The following NUP58 variants were observed in gnomAD, a reference collection of about 807,000 sequenced individuals.
NUP58 encodes the protein nucleoporin p58/p45.
In NUP58, 17 loss-of-function variants were observed where a neutral mutation model predicts 70.1. The observed-to-expected ratio is 0.24, with a 90% confidence interval of 0.17 to 0.36. NUP58 has a LOEUF of 0.36. NUP58 is among the 10% of genes least tolerant of loss of function. The pLI is 1.00. For synonymous variants in NUP58, 275 were observed against 257.6 expected (o/e 1.07, Z -0.65); for missense variants, 644 against 701.5 (o/e 0.92, Z 0.93).
chr13:25,332,825 G>T, intron 13 of NUP58: 1 of 985,412 alleles, frequency 1.0e-6, no homozygotes, highest in Non-Finnish European at 1.2e-6. Context: ...TTATGGGATT[G>T]ATTCCTTTGA....
chr13:25,312,916 G>A lies in NUP58; in HGVS notation c.320G>A (p.Gly107Asp). ...TPATTSAATT[G>D]FSLGFNKPAA... is the part of the protein sequence containing the mutation. ...GCCACTACATCTGCAGCTACAACAG[G>A]CTTCAGTTTAGGATTCAATAAACCT... The change falls in exon 4 of 16, where the codon GGC (glycine) becomes GAC (aspartate). Residue 107 changes from glycine (G) to aspartate (D), a missense_variant. This residue lies in a region of NUP58 where 430 missense variants were observed against 409.2 expected (regional missense o/e 1.05). Coordinates refer to ENST00000381736, the MANE Select transcript of NUP58 (RefSeq NM_014089.4). 6.2e-7 allele frequency: 1 copy of A among 1,613,534 alleles called. No homozygotes were observed. Among genetic ancestry groups the A allele is most frequent in the South Asian group, 1.1e-5 (1 of 90,988 alleles).
intron 13 of NUP58, chr13:25,333,098 T>C: frequency 1.0e-6 from 1 of 985,332 alleles, no homozygotes; most frequent in Non-Finnish European, 1.2e-6. Context: ...ATACCTAAAC[T>C]TGAAGCAAAA....
intron 1 of NUP58, among the ~76,000 whole-genome samples, chr13:25,302,334 T>G (rs945369827): frequency 6.6e-6 from 1 of 152,242 alleles, no homozygotes; most frequent in African/African-American, 2.4e-5. Context: ...TTAATAACTT[T>G]GTGGTTTTTA....
chr13:25,319,713 G>A (rs538895008), intron 7 of NUP58, among the ~76,000 whole-genome samples: 6 of 152,074 alleles, frequency 3.9e-5, no homozygotes, highest in Admixed American at 1.3e-4. Context: ...TGCCAGTCTC[G>A]TTTTATGTCC....
chr13:25,329,897 A>G (rs2031542594), intron 12 of NUP58, among the ~76,000 whole-genome samples: 1 of 152,108 alleles, frequency 6.6e-6, no homozygotes, highest in Admixed American at 6.6e-5. Flanking sequence ...ATCATGACTC[A>G]TTGCAGCCTC....
At chr13:25,331,253 A>T in intron 12 of NUP58, 104 bp from the exon 13 acceptor site, 1 of 1,071,848 alleles carries the variant, frequency 9.3e-7, no homozygotes, top group Non-Finnish European at 1.4e-6. Context: ...GATTGAATGT[A>T]TAATATTGGG....
intron 9 of NUP58, among the ~76,000 whole-genome samples, chr13:25,322,140 G>A (rs554897814): frequency 2.0e-4 from 30 of 152,280 alleles, no homozygotes; most frequent in South Asian, 4.2e-4. Context: ...AAATCTTTCC[G>A]TGAAGTTGTC....
At chr13:25,311,694 T>A (rs1423392142) in intron 3 of NUP58, among the ~76,000 whole-genome samples, 4 of 137,542 alleles carry the variant, frequency 2.9e-5, no homozygotes, top group South Asian at 2.4e-4. Context: ...TTTTTTTTTT[T>A]AAGGTAACCA....
chr13:25,327,317 T>C lies in NUP58; in HGVS notation c.1151-113T>C, dbSNP rs73470451. 1,085 of 626,138 alleles carry C rather than the reference T, an allele frequency of 1.7e-3. 5 individuals are homozygous for C. The highest frequency in any genetic ancestry group is 0.017 in the African/African-American group (899 of 53,310). The allele number at this position is 626,138 out of a possible 1,614,324, so 38.8% of individuals were successfully genotyped here. The stretch of plus-strand genomic sequence containing the variant: ...TCTGGCCATGAGAACGTTGATAGAG[T>C]TTTTTTCTCCTACACGTTAACTGTG... On this transcript the variant is annotated intron_variant, in intron 11 of 15. Transcript: ENST00000381736.
At chr13:25,324,316 A>T (rs2031305071) in intron 9 of NUP58, among the ~76,000 whole-genome samples, 1 of 152,210 alleles carries the variant, frequency 6.6e-6, no homozygotes, top group South Asian at 2.1e-4. Context: ...GAGGTCGAAA[A>T]TATAGTGAAA....
At chr13:25,319,455 G>GA in intron 7 of NUP58, 105 bp downstream of exon 7, 1 of 1,059,024 alleles carries the variant, frequency 9.4e-7, no homozygotes, top group Non-Finnish European at 1.4e-6. Context: ...ACATTTAGGA[G>GA]AAAAAACTTT....
At chr13:25,322,424 A>G (rs1473745393) in intron 9 of NUP58, among the ~76,000 whole-genome samples, 1 of 152,226 alleles carries the variant, frequency 6.6e-6, no homozygotes, top group Non-Finnish European at 1.5e-5. Context: ...TTATTTGGTT[A>G]AATATGAATG....
intron 2 of NUP58, among the ~76,000 whole-genome samples, chr13:25,308,525 G>C (rs1256479898): frequency 6.6e-6 from 1 of 150,592 alleles, no homozygotes; most frequent in Non-Finnish European, 1.5e-5. Context: ...GTCTCCTCCT[G>C]GTCTTAAATT....
At chr13:25,326,542 C>G (rs1254572589) in intron 10 of NUP58, among the ~76,000 whole-genome samples, 1 of 152,074 alleles carries the variant, frequency 6.6e-6, no homozygotes, top group Non-Finnish European at 1.5e-5. Flanking sequence ...CAGAAAACTT[C>G]CAAAATAGTA....
At chr13:25,313,543 C>A (rs1228056843) in intron 4 of NUP58, 71 bp from the exon 5 acceptor site, 6 of 1,310,410 alleles carry the variant, frequency 4.6e-6, no homozygotes, top group Non-Finnish European at 6.0e-6. Context: ...TTAAAAACAT[C>A]GTATTTGTAT....
intron 14 of NUP58, 31 bp downstream of exon 14, chr13:25,337,065 A>G: frequency 6.9e-7 from 1 of 1,457,410 alleles, no homozygotes; most frequent in Non-Finnish European, 9.4e-7. Flanking sequence ...TATTTCATTG[A>G]ACTATTATAT....
At chr13:25,337,927 A>G (rs773439946) in intron 14 of NUP58, among the ~76,000 whole-genome samples, 6 of 152,206 alleles carry the variant, frequency 3.9e-5, no homozygotes, top group Non-Finnish European at 8.8e-5. Flanking sequence ...TTTGTAGAGC[A>G]CCTGTCTCTT....
chr13:25,316,151 G>A (rs1032178557), intron 6 of NUP58, among the ~76,000 whole-genome samples: 3 of 152,206 alleles, frequency 2.0e-5, no homozygotes, highest in African/African-American at 4.8e-5. Context: ...TTGTGAAATC[G>A]CTTTCCCAGA....
chr13:25,303,379 A>G (rs1397421419), intron 1 of NUP58, among the ~76,000 whole-genome samples: 2 of 145,304 alleles, frequency 1.4e-5, no homozygotes. Flanking sequence ...ACCCTAAATA[A>G]CTGAAATGAA....
Sources: allele counts gnomAD v4.1 joint callset (sites outside exome capture counted in the v4.1 genomes callset), GRCh38; gene constraint gnomAD v4.1.1; regional missense constraint gnomAD v4.1.1; transcripts MANE v1.5; gene names NCBI Gene and HGNC (gene_info 2026-07-23, HGNC 2026-07-21).